Variants in ZMYND11 observed in about 807,000 individuals in gnomAD.
ZMYND11 encodes the protein zinc finger MYND domain-containing protein 11.
Under a neutral mutation model 84.9 loss-of-function variants are expected in ZMYND11, and 9 were observed. The observed-to-expected ratio is 0.11, with a 90% CI of 0.06 to 0.18. The LOEUF is 0.18. Ranked by LOEUF, ZMYND11 falls within the 10% of genes least tolerant of loss-of-function variation. The probability of loss-of-function intolerance (pLI) is 1.00; values close to 1 mark genes in which losing one functional copy is unlikely to be tolerated. For synonymous variants in ZMYND11, 250 were observed against 244.1 expected (o/e 1.02, Z -0.23); for missense variants, 409 against 761.0 (o/e 0.54, Z 5.44).
At chr10:219,626 G>GTT (rs1258326049) in intron 3 of ZMYND11, among the ~76,000 whole-genome samples, 2 of 152,156 alleles carry the variant, frequency 1.3e-5, no homozygotes, top group Admixed American at 6.5e-5. Flanking sequence ...AAGGATGACT[G>GTT]TTTTAATACA....
At chr10:147,538 A>G (rs1554755717) in intron 1 of ZMYND11, among the ~76,000 whole-genome samples, 1 of 151,130 alleles carries the variant, frequency 6.6e-6, no homozygotes, top group African/African-American at 2.4e-5. Context: ...TTTTTTTGGA[A>G]TAGCTTATAT....
intron 3 of ZMYND11, among the ~76,000 whole-genome samples, chr10:214,126 ATGATCACATAAG>A (rs1409633075): frequency 6.6e-6 from 1 of 152,188 alleles, no homozygotes; most frequent in South Asian, 2.1e-4. Flanking sequence ...TGCAGCCCTA[ATGATCACATAAG>A]TGATCATTCA....
chr10:249,824 A>T, intron 14 of ZMYND11: 1 of 916,540 alleles, frequency 1.1e-6, no homozygotes. Flanking sequence ...TATATTATAT[A>T]AATACACATA....
intron 10 of ZMYND11, 114 bp downstream of exon 10, chr10:242,253 A>AAC: frequency 1.4e-6 from 2 of 1,462,152 alleles, no homozygotes; most frequent in South Asian, 1.3e-5. Context: ...GGAAAAAAAA[A>AAC]ACACATTATG....
At chr10:249,861 A>C (rs1019128183) in intron 14 of ZMYND11, 2 of 828,568 alleles carry the variant, frequency 2.4e-6, no homozygotes, top group African/African-American at 3.7e-5. Flanking sequence ...AATATTTTTA[A>C]ATCTGTGACA....
intron 4 of ZMYND11, among the ~76,000 whole-genome samples, chr10:234,172 T>C (rs1222656051): frequency 1.3e-5 from 2 of 152,260 alleles, no homozygotes; most frequent in Non-Finnish European, 2.9e-5. Flanking sequence ...TGGATGGCTT[T>C]ATTTTCTAAA....
intron 1 of ZMYND11, among the ~76,000 whole-genome samples, chr10:143,141 A>T (rs1263524626): frequency 6.6e-6 from 1 of 152,242 alleles, no homozygotes; most frequent in Non-Finnish European, 1.5e-5. Context: ...TTAAATGCTA[A>T]GGCTTCAGCA....
intron 2 of ZMYND11, among the ~76,000 whole-genome samples, chr10:191,908 C>T (rs1409875439): frequency 6.6e-5 from 10 of 152,176 alleles, no homozygotes; most frequent in Non-Finnish European, 1.5e-4. Context: ...TCTGGCGAGA[C>T]TGCACTGTAA....
chr10:163,702 C>T (rs1554762840), intron 1 of ZMYND11, among the ~76,000 whole-genome samples: 1 of 151,890 alleles, frequency 6.6e-6, no homozygotes, highest in Non-Finnish European at 1.5e-5. Context: ...TTCTGTTTGC[C>T]TGATGTGTCC....
chr10:203,622 A>G (rs894056134), intron 2 of ZMYND11, among the ~76,000 whole-genome samples: 1 of 152,168 alleles, frequency 6.6e-6, no homozygotes, highest in African/African-American at 2.4e-5. Context: ...GGAACTCCCT[A>G]AGGCTGGCAA....
intron 3 of ZMYND11, among the ~76,000 whole-genome samples, chr10:211,496 A>G (rs369864487): frequency 6.6e-6 from 1 of 152,172 alleles, no homozygotes; most frequent in Admixed American, 6.5e-5. Context: ...CAGCAAACAT[A>G]CTAACCTGTG....
intron 1 of ZMYND11, chr10:148,581 C>T (rs539661251): frequency 2.0e-5 from 3 of 152,250 alleles, no homozygotes; most frequent in African/African-American, 4.8e-5. Context: ...TATCCCAGTA[C>T]CTAGGCAGTG....
chr10:238,786 C>G (rs1950411635), intron 6 of ZMYND11, among the ~76,000 whole-genome samples: 1 of 152,180 alleles, frequency 6.6e-6, no homozygotes, highest in Non-Finnish European at 1.5e-5. Context: ...AATTTTACCT[C>G]CTACCCCCAG....
At chr10:238,656 A>C (rs1344558014) in intron 6 of ZMYND11, among the ~76,000 whole-genome samples, 2 of 152,168 alleles carry the variant, frequency 1.3e-5, no homozygotes, top group East Asian at 3.8e-4. Context: ...GCGCCCGGCC[A>C]CAAGTTTCTT....
chr10:242,206 T>G, intron 10 of ZMYND11, 67 bp downstream of exon 10: 2 of 1,572,752 alleles, frequency 1.3e-6, no homozygotes, highest in South Asian at 1.2e-5. Context: ...AGTTTGATGA[T>G]TTCTCCATCA....
intron 4 of ZMYND11, among the ~76,000 whole-genome samples, chr10:236,033 A>G (rs143401536): frequency 6.1e-4 from 93 of 152,334 alleles, no homozygotes; most frequent in African/African-American, 2.0e-3. Flanking sequence ...GCAGAGAATC[A>G]TTATCTAGTG....
Position 241,040 on chromosome 10 carries a change from GATT to G in ZMYND11, c.831+73_831+75del, listed in dbSNP as rs1589219586. On this transcript the variant is annotated intron_variant, in intron 9 of 14. Coordinates refer to ENST00000381604, the MANE Select transcript of ZMYND11 (RefSeq NM_001370100.5). ...GAAGTTTATTTCCAGTTTGGTTAAA[GATT>G]ATAATTTTCTTCCTAAATTTTTAAA... 5 of 1,262,148 alleles carry G rather than the reference GATT, an allele frequency of 4.0e-6. No individual in the cohort carries two copies. In the East Asian group the frequency reaches 7.0e-5, roughly 18 times the overall value. The allele number at this position is 1,262,148 out of a possible 1,614,324, so 78.2% of individuals were successfully genotyped here.
At chr10:202,288 T>A (rs932360964) in intron 2 of ZMYND11, among the ~76,000 whole-genome samples, 10 of 152,176 alleles carry the variant, frequency 6.6e-5, no homozygotes, top group African/African-American at 2.4e-4. Context: ...TTGCTTTACT[T>A]TTGAAGAAAA....
intron 4 of ZMYND11, among the ~76,000 whole-genome samples, chr10:228,191 AAAG>A (rs1350963787): frequency 1.3e-5 from 2 of 152,220 alleles, no homozygotes; most frequent in African/African-American, 4.8e-5. Context: ...ATCTAGGCCC[AAAG>A]AAGAAGAAAA....
Sources: allele counts gnomAD v4.1 joint callset (sites outside exome capture counted in the v4.1 genomes callset), GRCh38; gene constraint gnomAD v4.1.1; transcripts MANE v1.5; gene names NCBI Gene and HGNC (gene_info 2026-07-23, HGNC 2026-07-21).